NRXN3: variants seen among roughly 807,000 people sequenced by gnomAD.
The protein encoded by NRXN3 is neurexin 3.
A neutral mutation model predicts 137.6 loss-of-function variants in NRXN3; 32 were observed. That is an observed-to-expected ratio of 0.23 (90% CI 0.18 to 0.31). The LOEUF is 0.31. Ranked by LOEUF, NRXN3 falls within the 10% of genes least tolerant of loss-of-function variation. The pLI, the probability that NRXN3 is intolerant of heterozygous loss-of-function variation, is 1.00. For missense variants in NRXN3, 1,574 were observed against 2,062.5 expected (o/e 0.76, Z 4.59); for synonymous variants, 798 against 784.5 (o/e 1.02, Z -0.29).
intron 20 of NRXN3, among the ~76,000 whole-genome samples, chr14:79,832,567 GGCATCTAGTGGGTAGA>G: frequency 6.6e-6 from 1 of 152,112 alleles, no homozygotes; most frequent in Admixed American, 6.5e-5. Flanking sequence ...AGATGCTAAC[GGCATCTAGTGGGTAGA>G]GGTCAGGGGT....
intron 4 of NRXN3, among the ~76,000 whole-genome samples, chr14:78,418,929 C>T (rs1001435335): frequency 3.3e-5 from 5 of 152,192 alleles, no homozygotes; most frequent in African/African-American, 1.2e-4. Flanking sequence ...CTTAATCTAA[C>T]ACAGCACTGT....
At chr14:79,052,428 A>G (rs776361097) in intron 15 of NRXN3, among the ~76,000 whole-genome samples, 16 of 152,188 alleles carry the variant, frequency 1.1e-4, no homozygotes, top group Non-Finnish European at 2.4e-4. Flanking sequence ...TGCGGATCTC[A>G]TTTACAGATT....
intron 16 of NRXN3, among the ~76,000 whole-genome samples, chr14:79,564,139 A>G (rs1229828010): frequency 6.6e-6 from 1 of 151,864 alleles, no homozygotes; most frequent in East Asian, 1.9e-4. Context: ...TATGTTTTAT[A>G]ATACAGCATG....
chr14:78,178,259 T>C (rs2059456334), intron 1 of NRXN3, among the ~76,000 whole-genome samples: 1 of 152,204 alleles, frequency 6.6e-6, no homozygotes, highest in Non-Finnish European at 1.5e-5. Context: ...TTCTAAGAGC[T>C]GGCCCATTTG....
intron 16 of NRXN3, among the ~76,000 whole-genome samples, chr14:79,581,112 G>C (rs1183487651): frequency 6.6e-6 from 1 of 152,024 alleles, no homozygotes; most frequent in Non-Finnish European, 1.5e-5. Flanking sequence ...TCAGCACACT[G>C]GACGGTGCAG....
intron 15 of NRXN3, among the ~76,000 whole-genome samples, chr14:79,003,213 C>A (rs2099545362): frequency 1.3e-5 from 2 of 152,104 alleles, no homozygotes; most frequent in Admixed American, 1.3e-4. Flanking sequence ...GTAATCTTAT[C>A]TCCTAATTTT....
chr14:79,284,052 C>A (rs915726125), intron 15 of NRXN3, among the ~76,000 whole-genome samples: 1 of 151,828 alleles, frequency 6.6e-6, no homozygotes, highest in Non-Finnish European at 1.5e-5. Context: ...ATGTAAATAT[C>A]ATTTTTTATC....
chr14:79,054,885 A>G (rs2099654345), intron 15 of NRXN3, among the ~76,000 whole-genome samples: 1 of 152,232 alleles, frequency 6.6e-6, no homozygotes, highest in Non-Finnish European at 1.5e-5. Flanking sequence ...AAGAGAAAAT[A>G]TAGTATTTTC....
intron 16 of NRXN3, among the ~76,000 whole-genome samples, chr14:79,475,742 A>G (rs1306148256): frequency 4.6e-5 from 7 of 152,250 alleles, no homozygotes; most frequent in East Asian, 1.9e-4. Context: ...AAAACTTGTT[A>G]TATTTTATTT....
intron 15 of NRXN3, among the ~76,000 whole-genome samples, chr14:79,304,938 A>T (rs575407838): frequency 5.5e-4 from 83 of 152,158 alleles, no homozygotes; most frequent in Admixed American, 1.0e-3. Context: ...AAGCATCTGT[A>T]ACTCTCCAAA....
chr14:79,820,208 T>G (rs1485170886), intron 20 of NRXN3, among the ~76,000 whole-genome samples: 1 of 152,164 alleles, frequency 6.6e-6, no homozygotes, highest in African/African-American at 2.4e-5. Context: ...GGGAAAAACA[T>G]TCTTGGTGAC....
chr14:78,619,963 A>G (rs1455179281), intron 4 of NRXN3, among the ~76,000 whole-genome samples: 1 of 152,176 alleles, frequency 6.6e-6, no homozygotes, highest in African/African-American at 2.4e-5. Flanking sequence ...CAGGCACCGA[A>G]TCTGCCAGCA....
intron 15 of NRXN3, among the ~76,000 whole-genome samples, chr14:79,094,551 G>C (rs1206618130): frequency 6.6e-6 from 1 of 152,130 alleles, no homozygotes; most frequent in African/African-American, 2.4e-5. Flanking sequence ...CAAACCTTAT[G>C]CAATTGTGAC....
intron 19 of NRXN3, among the ~76,000 whole-genome samples, chr14:79,731,453 T>C (rs2154071859): frequency 6.6e-6 from 1 of 152,328 alleles, no homozygotes; most frequent in South Asian, 2.1e-4. Context: ...GACTAATCAT[T>C]ATATTTTCCA....
intron 20 of NRXN3, chr14:79,823,762 C>G (rs752466675): frequency 2.7e-4 from 67 of 247,712 alleles, no homozygotes; most frequent in South Asian, 2.5e-3. Flanking sequence ...ATAGTGAATC[C>G]TTTTTCCTGG....
Position 78,743,259 on chromosome 14 carries a change from A to C in NRXN3, c.2044+28120A>C. ...ACTTTGTTCATAGTAGTTATTGCTG[A>C]CATGGGACAAGATGATCTTTATGCT... is the stretch of plus-strand genomic sequence containing the variant. On this transcript the variant is annotated intron_variant, in intron 8 of 20. Coordinates refer to ENST00000335750, the MANE Select transcript of NRXN3 (RefSeq NM_001330195.2). Among the ~76,000 whole-genome samples the C allele has an allele frequency of 1.3e-5, 2 of 152,232 alleles. 1 individual carries two copies. Among genetic ancestry groups the C allele is most frequent in the Middle Eastern group, 6.4e-3 (2 of 314 alleles).
At chr14:78,959,328 T>C (rs917004211) in intron 11 of NRXN3, among the ~76,000 whole-genome samples, 2 of 152,202 alleles carry the variant, frequency 1.3e-5, no homozygotes, top group Non-Finnish European at 2.9e-5. Context: ...AAAGGAAGCA[T>C]AAAACTTTGA....
chr14:78,194,849 C>T (rs1048353455), intron 1 of NRXN3, among the ~76,000 whole-genome samples: 3 of 152,194 alleles, frequency 2.0e-5, no homozygotes, highest in African/African-American at 7.2e-5. Context: ...AATCTACGCC[C>T]CGGCTGGCGC....
At chr14:79,589,569 A>AAAAT (rs2097787008) in intron 16 of NRXN3, among the ~76,000 whole-genome samples, 1 of 149,738 alleles carries the variant, frequency 6.7e-6, no homozygotes, top group African/African-American at 2.4e-5. Context: ...AAAAAAAAAA[A>AAAAT]GGAATCAAAT....
Sources: gnomAD v4.1 joint callset for allele counts (sites outside exome capture counted in the v4.1 genomes callset) on GRCh38, gnomAD v4.1.1 for gene constraint, MANE v1.5 for transcripts, NCBI Gene and HGNC (gene_info 2026-07-23, HGNC 2026-07-21) for gene names.